VRK1: variants seen among roughly 807,000 people sequenced by gnomAD.
VRK1 encodes VRK serine/threonine kinase 1, also known as serine/threonine-protein kinase VRK1.
Under a neutral mutation model 57.1 loss-of-function variants are expected in VRK1, and 33 were observed. That is an observed-to-expected ratio of 0.58 (90% CI 0.44 to 0.77). The LOEUF is 0.77. Ranked by LOEUF, VRK1 falls within the 30% of genes least tolerant of loss-of-function variation. The pLI, the probability that VRK1 is intolerant of heterozygous loss-of-function variation, is 0.00. For missense variants in VRK1, 413 were observed against 477.3 expected (o/e 0.87, Z 1.25); for synonymous variants, 137 against 147.8 (o/e 0.93, Z 0.53).
chr14:96,839,825 T>A (rs990656646), intron 3 of VRK1, among the ~76,000 whole-genome samples: 1 of 152,228 alleles, frequency 6.6e-6, no homozygotes, highest in African/African-American at 2.4e-5. Context: ...GCCTATTCAT[T>A]TTTTGAATGC....
chr14:96,812,025 G>T (rs970504441), intron 1 of VRK1, among the ~76,000 whole-genome samples: 1 of 152,128 alleles, frequency 6.6e-6, no homozygotes, highest in African/African-American at 2.4e-5. Flanking sequence ...GAAATTTTAC[G>T]TAATTGGAAT....
intron 1 of VRK1, among the ~76,000 whole-genome samples, chr14:96,802,996 G>T (rs532305583): frequency 2.4e-4 from 37 of 152,236 alleles, no homozygotes; most frequent in Admixed American, 9.8e-4. Flanking sequence ...TTCTGTCCCA[G>T]GTGGGGTGTA....
chr14:96,856,647 A>G (rs1386866820), intron 10 of VRK1, 61 bp downstream of exon 10: 4 of 1,398,900 alleles, frequency 2.9e-6, no homozygotes, highest in Admixed American at 1.7e-5. Context: ...AAAAGGCATG[A>G]TATCCATGGA....
intron 12 of VRK1, among the ~76,000 whole-genome samples, chr14:96,880,050 A>G (rs1200016782): frequency 2.0e-5 from 3 of 152,202 alleles, no homozygotes; most frequent in Admixed American, 2.0e-4. Flanking sequence ...AAATTTTAGA[A>G]TCAATCATAG....
At chr14:96,844,476 T>C (rs1487298369) in intron 3 of VRK1, among the ~76,000 whole-genome samples, 1 of 152,210 alleles carries the variant, frequency 6.6e-6, no homozygotes, top group Non-Finnish European at 1.5e-5. Flanking sequence ...GTGTTGCCCA[T>C]TTACTGTTAA....
At chr14:96,871,184 G>A (rs1019927255) in intron 11 of VRK1, among the ~76,000 whole-genome samples, 2 of 152,132 alleles carry the variant, frequency 1.3e-5, no homozygotes, top group Admixed American at 6.5e-5. Flanking sequence ...AACTAGTGAA[G>A]AACATAGATA....
chr14:96,876,298 CACAAT>C lies in VRK1; in HGVS notation c.1159+180_1159+184del, dbSNP rs556860816. On this transcript the variant is annotated intron_variant, in intron 12 of 12. Transcript: ENST00000216639. ...TACACAGGTTAGATTATTTTCTCTC[CACAAT>C]AATTATAAAGTTGAGACTGGGAAGC... Among the ~76,000 whole-genome samples the C allele has an allele frequency of 3.9e-5, 6 of 152,052 alleles. No homozygotes were observed. The South Asian group carries it at 1.2e-3, about 32-fold the overall frequency.
chr14:96,872,241 A>G (rs1007469964), intron 11 of VRK1, among the ~76,000 whole-genome samples: 3 of 152,340 alleles, frequency 2.0e-5, no homozygotes, highest in African/African-American at 2.4e-5. Flanking sequence ...TTCTTAAAAC[A>G]TATATGTAAT....
At chr14:96,842,036 T>A (rs1316730105) in intron 3 of VRK1, among the ~76,000 whole-genome samples, 1 of 152,210 alleles carries the variant, frequency 6.6e-6, no homozygotes, top group Non-Finnish European at 1.5e-5. Context: ...TTAGTTTTTT[T>A]AAATGTGTTT....
chr14:96,818,413 G>A (rs549627654), intron 1 of VRK1, among the ~76,000 whole-genome samples: 3 of 149,420 alleles, frequency 2.0e-5, no homozygotes, highest in Middle Eastern at 3.4e-3. Flanking sequence ...TCTGAAGATA[G>A]CCACTTTCTT....
intron 10 of VRK1, 90 bp from the exon 11 acceptor site, chr14:96,860,467 T>C (rs1294957447): frequency 3.8e-6 from 5 of 1,308,088 alleles, no homozygotes; most frequent in Non-Finnish European, 5.3e-6. Flanking sequence ...TGTATTTGCA[T>C]TCTAACTTTA....
At chr14:96,829,208 T>G (rs1057261456) in intron 1 of VRK1, among the ~76,000 whole-genome samples, 13 of 133,306 alleles carry the variant, frequency 9.8e-5, no homozygotes, top group African/African-American at 3.1e-4. Context: ...TTCTTTTAAT[T>G]TTTTTTTTTT....
intron 11 of VRK1, among the ~76,000 whole-genome samples, chr14:96,868,912 C>T (rs931980772): frequency 6.6e-6 from 1 of 151,726 alleles, no homozygotes; most frequent in African/African-American, 2.4e-5. Context: ...TCTCCAGCCT[C>T]AGCCTCCCAA....
At chr14:96,808,947 G>T (rs1226024051) in intron 1 of VRK1, among the ~76,000 whole-genome samples, 1 of 152,184 alleles carries the variant, frequency 6.6e-6, no homozygotes, top group Non-Finnish European at 1.5e-5. Flanking sequence ...TCATTTAGAG[G>T]CTTCTCCACT....
At chr14:96,881,148 G>A (rs2139857548) in intron 12 of VRK1, 29 bp from the exon 13 acceptor site, 1 of 1,587,844 alleles carries the variant, frequency 6.3e-7, no homozygotes, top group East Asian at 2.3e-5. Context: ...ATTGACTAGT[G>A]ATTTCAGTTT....
intron 1 of VRK1, among the ~76,000 whole-genome samples, chr14:96,822,708 G>A (rs1468293122): frequency 6.6e-6 from 1 of 152,170 alleles, no homozygotes; most frequent in Non-Finnish European, 1.5e-5. Context: ...TCTTGACTTA[G>A]GTGTTCAGTG....
chr14:96,827,085 G>A (rs1196083397), intron 1 of VRK1, among the ~76,000 whole-genome samples: 1 of 152,010 alleles, frequency 6.6e-6, no homozygotes, highest in East Asian at 1.9e-4. Context: ...GGGAGAACAG[G>A]AATAGGTGTT....
chr14:96,846,427 A>T (rs892106848), intron 4 of VRK1, among the ~76,000 whole-genome samples: 1 of 152,196 alleles, frequency 6.6e-6, no homozygotes, highest in African/African-American at 2.4e-5. Context: ...ATTGAGAATT[A>T]TTGATGAAAT....
intron 1 of VRK1, among the ~76,000 whole-genome samples, chr14:96,797,786 G>C (rs1885496012): frequency 6.6e-6 from 1 of 152,260 alleles, no homozygotes; most frequent in Non-Finnish European, 1.5e-5. Context: ...GCCTCACCGG[G>C]AAGCCGGTTC....
Sources: gnomAD v4.1 joint callset for allele counts (sites outside exome capture counted in the v4.1 genomes callset) on GRCh38, gnomAD v4.1.1 for gene constraint, MANE v1.5 for transcripts, NCBI Gene and HGNC (gene_info 2026-07-23, HGNC 2026-07-21) for gene names.